The following SPATA6L variants were observed in gnomAD, a reference collection of about 807,000 sequenced individuals.
SPATA6L encodes the protein spermatogenesis associated 6 like.
SPATA6L carries 68 observed loss-of-function variants against 49.2 expected under a neutral mutation model. The observed-to-expected ratio is 1.38, with a 90% CI of 1.14 to 1.69. The LOEUF is 1.69. Among genes scored for constraint, SPATA6L ranks in the 40% most tolerant of loss-of-function variants. The pLI, the probability that SPATA6L is intolerant of heterozygous loss-of-function variation, is 0.00. For synonymous variants in SPATA6L, 198 were observed against 165.7 expected, an observed-to-expected ratio of 1.19 and a Z score of -1.50; for missense variants, 668 against 464.3, an observed-to-expected ratio of 1.44 and a Z score of -4.03.
chr9:4,616,196 G>C (rs1395467270), intron 9 of SPATA6L, among the ~76,000 whole-genome samples: 1 of 152,140 alleles, frequency 6.6e-6, no homozygotes, highest in Non-Finnish European at 1.5e-5. Flanking sequence ...AGGATTGCTT[G>C]GGTTGGGGAG....
intron 13 of SPATA6L, among the ~76,000 whole-genome samples, chr9:4,592,253 T>C (rs954348560): frequency 2.0e-5 from 3 of 148,390 alleles, no homozygotes; most frequent in Admixed American, 6.8e-5. Context: ...AGGTGGAGTT[T>C]GCAGTGAGCT....
intron 3 of SPATA6L, among the ~76,000 whole-genome samples, chr9:4,649,485 C>T (rs572466496): frequency 6.6e-6 from 1 of 152,294 alleles, no homozygotes; most frequent in South Asian, 2.1e-4. Flanking sequence ...AATGGCTATC[C>T]TCATTTTTAT....
intron 13 of SPATA6L, among the ~76,000 whole-genome samples, chr9:4,591,895 C>T (rs904618462): frequency 6.6e-6 from 1 of 152,182 alleles, no homozygotes; most frequent in African/African-American, 2.4e-5. Flanking sequence ...CTAGAGATGA[C>T]ACTCTAAGGC....
In SPATA6L at chr9:4,622,285, A is replaced by G. The variant is rs543999150; in HGVS notation, c.772+123T>C. The stretch of plus-strand genomic sequence containing the variant: ...TGCCCTGGAAATTCCACAGCTGGAG[A>G]GTACTTGAGAATTAGGCTCACAGTT... On this transcript the variant is annotated intron_variant, in intron 7 of 11. Transcript: ENST00000682582. 1.1e-4 allele frequency: 73 copies of G among 640,164 alleles called. No homozygotes were observed. The East Asian group carries it at 1.7e-3, about 15-fold the overall frequency. The allele number at this position is 640,164 out of a possible 1,614,324, so 39.7% of individuals were successfully genotyped here.
chr9:4,629,337 T>C (rs1251632047), intron 4 of SPATA6L, among the ~76,000 whole-genome samples, 169 bp from the exon 5 acceptor site: 2 of 152,148 alleles, frequency 1.3e-5, no homozygotes, highest in African/African-American at 2.4e-5. Context: ...TTATGTAATA[T>C]ATATTATGTA....
intron 11 of SPATA6L, among the ~76,000 whole-genome samples, chr9:4,603,216 G>A (rs1823804418): frequency 6.6e-6 from 1 of 152,154 alleles, no homozygotes; most frequent in Admixed American, 6.5e-5. Context: ...CAGATCACGA[G>A]GTCAGGAGTT....
At chr9:4,652,347 G>A (rs12343427) in intron 3 of SPATA6L, among the ~76,000 whole-genome samples, 1 of 152,000 alleles carries the variant, frequency 6.6e-6, no homozygotes, top group Non-Finnish European at 1.5e-5. Context: ...GCTTGAATGA[G>A]GGAGGCAGAG....
intron 9 of SPATA6L, among the ~76,000 whole-genome samples, chr9:4,610,363 A>AG (rs1322615954): frequency 6.8e-6 from 1 of 148,096 alleles, no homozygotes; most frequent in African/African-American, 2.5e-5. Context: ...AAAAGAACAA[A>AG]GCTGGAGGCA....
At chr9:4,622,642 T>C (rs1829590341) in intron 6 of SPATA6L, 132 bp from the exon 7 acceptor site, 2 of 613,536 alleles carry the variant, frequency 3.3e-6, no homozygotes, top group Non-Finnish European at 5.7e-6. Flanking sequence ...GAAAACCACC[T>C]AGAGCACAGT....
exon 14 of SPATA6L, chr9:4,588,838 T>C (rs1821721496): frequency 6.6e-6 from 1 of 152,228 alleles, no homozygotes; most frequent in Non-Finnish European, 1.5e-5. Context: ...GTCCAGTGGG[T>C]ACAAGGCCCT....
At chr9:4,659,079 G>T (rs1838988101) in intron 2 of SPATA6L, among the ~76,000 whole-genome samples, 1 of 152,110 alleles carries the variant, frequency 6.6e-6, no homozygotes, top group Non-Finnish European at 1.5e-5. Flanking sequence ...CATCTAACTG[G>T]GAGAACTAAG....
intron 4 of SPATA6L, chr9:4,633,847 T>C (rs1832189669): frequency 6.6e-6 from 1 of 152,252 alleles, no homozygotes; most frequent in Admixed American, 6.5e-5. Context: ...TATTTTGCTT[T>C]ATAGAATGGT....
chr9:4,666,185 A>ATAAC, intron 1 of SPATA6L, 27 bp downstream of exon 1: 1 of 1,613,412 alleles, frequency 6.2e-7, no homozygotes, highest in African/African-American at 1.3e-5. Flanking sequence ...CTTGAGGTTA[A>ATAAC]GGAGGGGGAG....
chr9:4,607,877 A>T (rs2130187809), intron 9 of SPATA6L, among the ~76,000 whole-genome samples: 1 of 150,686 alleles, frequency 6.6e-6, no homozygotes, highest in Non-Finnish European at 1.5e-5. Flanking sequence ...AAGACCCATC[A>T]GTGTGCTGTA....
At chr9:4,595,527 G>A (rs1252712486), downstream of SPATA6L, among the ~76,000 whole-genome samples, 1 of 151,990 alleles carries the variant, frequency 6.6e-6, no homozygotes, top group African/African-American at 2.4e-5. Context: ...GAAAATACTC[G>A]CCTGAATATT....
At chr9:4,592,609 T>C (rs1821979743) in intron 13 of SPATA6L, among the ~76,000 whole-genome samples, 1 of 152,026 alleles carries the variant, frequency 6.6e-6, no homozygotes, top group East Asian at 1.9e-4. Flanking sequence ...GTGCCAGGAG[T>C]GCTAGAATAT....
intron 4 of SPATA6L, among the ~76,000 whole-genome samples, chr9:4,630,346 C>T (rs1440874232): frequency 1.3e-5 from 2 of 152,138 alleles, no homozygotes; most frequent in Non-Finnish European, 2.9e-5. Flanking sequence ...CCTAAAGAGA[C>T]ATTAAGGCAA....
At chr9:4,659,573 T>G (rs568864534) in intron 2 of SPATA6L, among the ~76,000 whole-genome samples, 3 of 152,254 alleles carry the variant, frequency 2.0e-5, no homozygotes, top group East Asian at 1.9e-4. Context: ...TGGATAGGAA[T>G]AATCAATATC....
chr9:4,654,990 C>G (rs1837787487), intron 3 of SPATA6L, among the ~76,000 whole-genome samples: 3 of 152,210 alleles, frequency 2.0e-5, no homozygotes, highest in Admixed American at 2.0e-4. Flanking sequence ...AGGTACCACT[C>G]TCTTCTCTTC....
Sources: gnomAD v4.1 joint callset for allele counts (sites outside exome capture counted in the v4.1 genomes callset) on GRCh38, gnomAD v4.1.1 for gene constraint, MANE v1.5 for transcripts, NCBI Gene and HGNC (gene_info 2026-07-23, HGNC 2026-07-21) for gene names.